Variants in RERE observed in about 807,000 individuals in gnomAD.
RERE encodes arginine-glutamic acid dipeptide repeats protein.
In RERE, 40 loss-of-function variants were observed where a neutral mutation model predicts 146.1. That is an observed-to-expected ratio of 0.27 (90% confidence interval 0.21 to 0.36). The LOEUF is 0.36. Among genes scored for constraint, RERE ranks in the 10% least tolerant of loss-of-function variants. RERE has a pLI of 1.00. For synonymous variants in RERE, 1,003 were observed against 866.0 expected, an observed-to-expected ratio of 1.16 and a Z score of -2.78; for missense variants, 1,933 against 2,138.7, an observed-to-expected ratio of 0.90 and a Z score of 1.90.
At chr1:8,811,061 C>A (rs1409759006) in intron 1 of RERE, among the ~76,000 whole-genome samples, 1 of 152,204 alleles carries the variant, frequency 6.6e-6, no homozygotes, top group Non-Finnish European at 1.5e-5. Flanking sequence ...AATAAGCTAT[C>A]AAAATCAACA....
At chr1:8,438,715 C>A (rs763316121) in intron 11 of RERE, among the ~76,000 whole-genome samples, 1 of 152,026 alleles carries the variant, frequency 6.6e-6, no homozygotes, top group East Asian at 1.9e-4. Flanking sequence ...GACAGCATCA[C>A]AAGTACTCAA....
At chr1:8,773,553 C>T (rs769178175) in intron 1 of RERE, among the ~76,000 whole-genome samples, 3 of 152,002 alleles carry the variant, frequency 2.0e-5, no homozygotes, top group South Asian at 2.1e-4. Flanking sequence ...TAGCTGGGCA[C>T]GGTAGCTCAC....
chr1:8,400,141 A>T (rs573851845), intron 12 of RERE, among the ~76,000 whole-genome samples: 2 of 151,812 alleles, frequency 1.3e-5, no homozygotes, highest in African/African-American at 4.8e-5. Context: ...CATTTGCTCC[A>T]CTAATTAAGT....
At chr1:8,777,533 CTTT>C (rs752250797) in intron 1 of RERE, among the ~76,000 whole-genome samples, 5 of 137,690 alleles carry the variant, frequency 3.6e-5, no homozygotes, top group Admixed American at 1.5e-4. Context: ...AAGTGTCATA[CTTT>C]TTTTTTTTTT....
chr1:8,473,290 C>A (rs904847502), intron 10 of RERE, among the ~76,000 whole-genome samples: 3 of 152,142 alleles, frequency 2.0e-5, no homozygotes, highest in Non-Finnish European at 4.4e-5. Flanking sequence ...GTAGGACATT[C>A]CAGCCTCAGA....
At chr1:8,544,039 G>C (rs1193021785) in intron 6 of RERE, among the ~76,000 whole-genome samples, 2 of 152,132 alleles carry the variant, frequency 1.3e-5, no homozygotes, top group Admixed American at 1.3e-4. Flanking sequence ...CAGTGGAAAT[G>C]TCTCTCATGT....
Position 8,640,388 on chromosome 1 carries a change from C to T in RERE, c.325+15585G>A, listed in dbSNP as rs184470413. On this transcript the variant is annotated intron_variant, in intron 2 of 22. Transcript: ENST00000400908. ...ACAAAGAAAGCCAGAACAATGCCTG[C>T]AGCCTTCAAAGGGATATAAAACTGT... Among the ~76,000 whole-genome samples the T allele has an allele frequency of 9.0e-4, 137 of 152,236 alleles. 1 individual carries two copies. Among genetic ancestry groups the T allele is most frequent in the African/African-American group, 3.2e-3 (133 of 41,542 alleles).
At chr1:8,678,833 A>G (rs1197376900) in intron 1 of RERE, among the ~76,000 whole-genome samples, 1 of 152,252 alleles carries the variant, frequency 6.6e-6, no homozygotes, top group Non-Finnish European at 1.5e-5. Flanking sequence ...CAAAACCACA[A>G]AATGTCTAGA....
intron 2 of RERE, among the ~76,000 whole-genome samples, chr1:8,624,839 C>T (rs1476612718): frequency 3.3e-5 from 5 of 152,150 alleles, no homozygotes; most frequent in Admixed American, 6.5e-5. Context: ...AAATGAAATA[C>T]GCAAAGATGA....
chr1:8,359,400 G>C (rs144221934), intron 19 of RERE, among the ~76,000 whole-genome samples: 1 of 152,224 alleles, frequency 6.6e-6, no homozygotes, highest in Non-Finnish European at 1.5e-5. Context: ...CTTATCGCCT[G>C]AGTGCTCAGG....
intron 1 of RERE, among the ~76,000 whole-genome samples, chr1:8,686,244 C>T (rs923234930): frequency 6.6e-6 from 1 of 152,068 alleles, no homozygotes; most frequent in Admixed American, 6.6e-5. Flanking sequence ...TGGCCTCTCA[C>T]GGTGCTAGGA....
At chr1:8,563,532 CT>C (rs1451950505) in intron 4 of RERE, among the ~76,000 whole-genome samples, 1 of 152,214 alleles carries the variant, frequency 6.6e-6, no homozygotes, top group Non-Finnish European at 1.5e-5. Flanking sequence ...TCCTGTCCCT[CT>C]GTGTTATCAA....
chr1:8,432,485 A>C (rs943380074), intron 11 of RERE, among the ~76,000 whole-genome samples: 1 of 152,176 alleles, frequency 6.6e-6, no homozygotes, highest in African/African-American at 2.4e-5. Flanking sequence ...TGTGCGAAGC[A>C]TGTTCCAGTT....
chr1:8,654,890 G>A (rs976570523), intron 2 of RERE, among the ~76,000 whole-genome samples: 1 of 151,796 alleles, frequency 6.6e-6, no homozygotes, highest in Non-Finnish European at 1.5e-5. Context: ...TTCTGTCTCC[G>A]CCTCCCAAAG....
intron 12 of RERE, among the ~76,000 whole-genome samples, chr1:8,402,852 T>TG (rs905240173): frequency 2.0e-5 from 3 of 152,148 alleles, no homozygotes; most frequent in Admixed American, 6.5e-5. Context: ...TAAAACTGCC[T>TG]GGGGGGCGCT....
intron 7 of RERE, among the ~76,000 whole-genome samples, chr1:8,515,817 T>C (rs189379719): frequency 6.6e-6 from 1 of 152,268 alleles, no homozygotes; most frequent in Non-Finnish European, 1.5e-5. Context: ...AGGATACTAC[T>C]GTATGAATTA....
At chr1:8,815,829 TTGTGTGTGTGTGTATGTGTG>T (rs1553152687) in intron 1 of RERE, among the ~76,000 whole-genome samples, 1 of 149,850 alleles carries the variant, frequency 6.7e-6, no homozygotes, top group Non-Finnish European at 1.5e-5. Flanking sequence ...CAGCTTGGTA[TTGTGTGTGTGTGTATGTGTG>T]TGTGTGTGTG....
At chr1:8,453,731 G>A (rs1421920208) in intron 11 of RERE, among the ~76,000 whole-genome samples, 6 of 152,112 alleles carry the variant, frequency 3.9e-5, no homozygotes, top group Non-Finnish European at 4.4e-5. Context: ...ACTTGAACCC[G>A]GGAGGCAGAG....
At chr1:8,553,471 C>A (rs557792241) in intron 6 of RERE, among the ~76,000 whole-genome samples, 12 of 152,244 alleles carry the variant, frequency 7.9e-5, no homozygotes, top group African/African-American at 2.9e-4. Context: ...TCAGCACATC[C>A]ACACACTCAC....
Sources: allele counts gnomAD v4.1 joint callset (sites outside exome capture counted in the v4.1 genomes callset), GRCh38; gene constraint gnomAD v4.1.1; transcripts MANE v1.5; gene names NCBI Gene and HGNC (gene_info 2026-07-23, HGNC 2026-07-21).